AFG2A: variants seen among roughly 807,000 people sequenced by gnomAD.
AFG2A encodes the protein ATPase family gene 2 protein homolog A.
At chr4:123,090,894 T>C in the AFG2A span, among the ~76,000 whole-genome samples, 1 of 152,230 alleles carries the variant, frequency 6.6e-6, no homozygotes, top group Non-Finnish European at 1.5e-5. Context: ...CATTCTTGCA[T>C]ACAAGTTATA....
chr4:123,266,016 T>A, the AFG2A span, among the ~76,000 whole-genome samples: 1 of 152,070 alleles, frequency 6.6e-6, no homozygotes, highest in African/African-American at 2.4e-5. Context: ...GAGCTTATGA[T>A]GTTAAAAAAG....
the AFG2A span, among the ~76,000 whole-genome samples, chr4:122,947,045 G>A: frequency 6.6e-6 from 1 of 151,926 alleles, no homozygotes; most frequent in African/African-American, 2.4e-5. Context: ...TATAATAAAA[G>A]TAATAAATGT....
At chr4:123,044,955 A>G in the AFG2A span, among the ~76,000 whole-genome samples, 6 of 151,706 alleles carry the variant, frequency 4.0e-5, no homozygotes, top group Non-Finnish European at 8.8e-5. Context: ...TTTTCCTCAT[A>G]ATTTTAATGT....
At chr4:122,955,439 G>A in the AFG2A span, among the ~76,000 whole-genome samples, 1 of 152,184 alleles carries the variant, frequency 6.6e-6, no homozygotes, top group Non-Finnish European at 1.5e-5. Context: ...TTCAACATGA[G>A]TTGTGGAAGG....
chr4:122,972,467 CCTT>C, the AFG2A span, among the ~76,000 whole-genome samples: 21 of 151,076 alleles, frequency 1.4e-4, no homozygotes, highest in Middle Eastern at 3.4e-3. Flanking sequence ...TTATTTCCCT[CCTT>C]CTTTTTTCTT....
the AFG2A span, among the ~76,000 whole-genome samples, chr4:123,009,505 A>T: frequency 2.6e-5 from 4 of 152,078 alleles, no homozygotes; most frequent in Non-Finnish European, 4.4e-5. Flanking sequence ...TAGTTTACTA[A>T]CTCCATACTT....
At chr4:122,981,697 G>C in the AFG2A span, among the ~76,000 whole-genome samples, 22 of 151,902 alleles carry the variant, frequency 1.4e-4, 1 homozygote, top group South Asian at 3.3e-3. Flanking sequence ...TATTTCATCA[G>C]TATTTTATAG....
At chr4:123,073,971 A>G in the AFG2A span, among the ~76,000 whole-genome samples, 1 of 152,206 alleles carries the variant, frequency 6.6e-6, no homozygotes, top group Admixed American at 6.5e-5. Context: ...TTAAATGTAA[A>G]TGGTGGTCAC....
chr4:122,933,602 T>G, the AFG2A span: 1 of 818,974 alleles, frequency 1.2e-6, no homozygotes, highest in African/African-American at 1.7e-5. Context: ...TTCTTCAAAA[T>G]AGCTTTGAGA....
chr4:122,996,358 A>G, the AFG2A span, among the ~76,000 whole-genome samples: 1 of 151,048 alleles, frequency 6.6e-6, no homozygotes, highest in Non-Finnish European at 1.5e-5. Flanking sequence ...AAAACAACTA[A>G]CTTAATTTTA....
At chr4:123,281,174 T>A in the AFG2A span, among the ~76,000 whole-genome samples, 1 of 152,166 alleles carries the variant, frequency 6.6e-6, no homozygotes, top group Non-Finnish European at 1.5e-5. Flanking sequence ...ATTTTTGAAC[T>A]ATTTTGTGGA....
the AFG2A span, among the ~76,000 whole-genome samples, chr4:123,215,745 C>G: frequency 6.6e-6 from 1 of 152,082 alleles, no homozygotes; most frequent in Non-Finnish European, 1.5e-5. Flanking sequence ...TCCTCTCAGC[C>G]TCTAGGGATA....
chr4:122,938,651 C>T, the AFG2A span, among the ~76,000 whole-genome samples: 5 of 152,262 alleles, frequency 3.3e-5, no homozygotes, highest in East Asian at 5.8e-4. Flanking sequence ...AGTGCAGTGG[C>T]GCAGTCTCAG....
chr4:123,043,344 C>T, the AFG2A span, among the ~76,000 whole-genome samples: 1 of 152,034 alleles, frequency 6.6e-6, no homozygotes, highest in South Asian at 2.1e-4. Context: ...AGTTTCCTTA[C>T]TTGGATTTCA....
the AFG2A span, among the ~76,000 whole-genome samples, chr4:123,306,906 A>G: frequency 1.3e-5 from 2 of 152,232 alleles, no homozygotes; most frequent in East Asian, 1.9e-4. Flanking sequence ...ATTCATTTCT[A>G]TGATGTAGTC....
At chr4:123,237,932 C>T in the AFG2A span, among the ~76,000 whole-genome samples, 1 of 152,138 alleles carries the variant, frequency 6.6e-6, no homozygotes, top group East Asian at 1.9e-4. Context: ...CCAAGGGAAG[C>T]CATGACAGAC....
At chr4:123,285,379 A>C in the AFG2A span, among the ~76,000 whole-genome samples, 31 of 152,118 alleles carry the variant, frequency 2.0e-4, no homozygotes, top group African/African-American at 7.2e-4. Context: ...TTTTCTCCCT[A>C]CATTCTTAGG....
At chr4:123,241,740 C>G in the AFG2A span, among the ~76,000 whole-genome samples, 1 of 152,170 alleles carries the variant, frequency 6.6e-6, no homozygotes. Context: ...GATGCCCTCT[C>G]TCACCACTCC....
At chr4:123,306,366 T>G in the AFG2A span, among the ~76,000 whole-genome samples, 1 of 152,286 alleles carries the variant, frequency 6.6e-6, no homozygotes, top group East Asian at 1.9e-4. Flanking sequence ...TTGTGACATG[T>G]TGGCACCAAA....
Sources: allele counts gnomAD v4.1 joint callset (sites outside exome capture counted in the v4.1 genomes callset), GRCh38; gene constraint gnomAD v4.1.1; transcripts MANE v1.5; gene names NCBI Gene and HGNC (gene_info 2026-07-23, HGNC 2026-07-21).